PDE8A: variants seen among roughly 807,000 people sequenced by gnomAD.
PDE8A encodes the protein high affinity cAMP-specific and IBMX-insensitive 3',5'-cyclic phosphodiesterase 8A.
Under a neutral mutation model 105.0 loss-of-function variants are expected in PDE8A, and 59 were observed. The ratio of observed to expected loss-of-function variants is 0.56; its 90% CI spans 0.46 to 0.70. PDE8A has a LOEUF of 0.70. Ranked by LOEUF, PDE8A falls within the 30% of genes least tolerant of loss-of-function variation. PDE8A has a pLI of 0.00. For missense variants in PDE8A, 1,014 were observed against 1,045.9 expected, an observed-to-expected ratio of 0.97 and a Z score of 0.42; for synonymous variants, 355 against 371.9, an observed-to-expected ratio of 0.95 and a Z score of 0.52.
chr15:85,089,194 G>C (rs1166494894), intron 6 of PDE8A, 144 bp from the exon 7 acceptor site: 2 of 589,536 alleles, frequency 3.4e-6, no homozygotes, highest in Non-Finnish European at 6.0e-6. Context: ...GCTTGCAGGG[G>C]GGTGTTTATT....
At chr15:85,061,637 G>A (rs1441601706) in intron 1 of PDE8A, among the ~76,000 whole-genome samples, 1 of 151,988 alleles carries the variant, frequency 6.6e-6, no homozygotes, top group Non-Finnish European at 1.5e-5. Context: ...ATTGTTTGTT[G>A]AGCTTCTTTA....
At chr15:85,080,200 T>C (rs1285718797) in intron 5 of PDE8A, among the ~76,000 whole-genome samples, 2 of 152,250 alleles carry the variant, frequency 1.3e-5, no homozygotes, top group Admixed American at 6.5e-5. Flanking sequence ...GGTTATTGAT[T>C]ATATAGCTGT....
intron 8 of PDE8A, among the ~76,000 whole-genome samples, chr15:85,095,922 G>A (rs968248786): frequency 5.3e-5 from 8 of 149,876 alleles, no homozygotes; most frequent in South Asian, 2.1e-4. Flanking sequence ...TTTTTGAGAC[G>A]GAGTCTCGCT....
chr15:85,121,365 G>A (rs1484081079), intron 18 of PDE8A, among the ~76,000 whole-genome samples: 2 of 151,786 alleles, frequency 1.3e-5, no homozygotes, highest in East Asian at 3.9e-4. Flanking sequence ...TGCGGCTGCA[G>A]TGAACCGTGA....
chr15:85,133,397 A>G (rs950027712), intron 20 of PDE8A, among the ~76,000 whole-genome samples: 1 of 152,152 alleles, frequency 6.6e-6, no homozygotes. Context: ...GTTGCAAATA[A>G]GGTCTGCTCT....
intron 1 of PDE8A, among the ~76,000 whole-genome samples, chr15:85,039,388 C>A (rs914355524): frequency 1.3e-5 from 2 of 151,608 alleles, no homozygotes; most frequent in African/African-American, 4.9e-5. Context: ...GTGATCGCAC[C>A]ACTGTCTCCC....
chr15:84,995,481 C>G (rs1302564817), intron 1 of PDE8A, among the ~76,000 whole-genome samples: 2 of 152,046 alleles, frequency 1.3e-5, no homozygotes, highest in African/African-American at 4.8e-5. Flanking sequence ...CCACTCCTGG[C>G]TAATTAAAAA....
intron 1 of PDE8A, among the ~76,000 whole-genome samples, chr15:84,993,182 G>A (rs939438622): frequency 4.3e-4 from 66 of 152,222 alleles, no homozygotes; most frequent in Non-Finnish European, 7.5e-4. Context: ...GGTGGCTCAT[G>A]CCTGTAATCC....
At chr15:85,108,332 A>G (rs2081974591) in intron 11 of PDE8A, among the ~76,000 whole-genome samples, 1 of 152,190 alleles carries the variant, frequency 6.6e-6, no homozygotes, top group African/African-American at 2.4e-5. Context: ...AGCTGAGCTC[A>G]GCGCCCACCC....
intron 11 of PDE8A, among the ~76,000 whole-genome samples, chr15:85,104,795 C>G (rs764191033): frequency 3.3e-5 from 5 of 152,110 alleles, no homozygotes; most frequent in Middle Eastern, 3.2e-3. Flanking sequence ...GCCAACTATT[C>G]TGAAGAGAGA....
At chr15:85,035,381 T>G (rs1335568246) in intron 1 of PDE8A, among the ~76,000 whole-genome samples, 1 of 151,910 alleles carries the variant, frequency 6.6e-6, no homozygotes, top group Non-Finnish European at 1.5e-5. Context: ...GCTAATTTTT[T>G]GTATTTTTAG....
At chr15:85,133,133 T>C (rs1005308615) in intron 20 of PDE8A, among the ~76,000 whole-genome samples, 38 of 152,210 alleles carry the variant, frequency 2.5e-4, no homozygotes, top group African/African-American at 9.2e-4. Flanking sequence ...TGGGTCTGCA[T>C]ATACATACTC....
intron 18 of PDE8A, 74 bp downstream of exon 18, chr15:85,121,088 CATCTT>C: frequency 1.1e-6 from 1 of 922,412 alleles, no homozygotes; most frequent in African/African-American, 1.6e-5. Flanking sequence ...ATATAATTCA[CATCTT>C]ATACAGTTCA....
chr15:85,060,985 A>G (rs1416045998), intron 1 of PDE8A, among the ~76,000 whole-genome samples: 1 of 152,136 alleles, frequency 6.6e-6, no homozygotes, highest in South Asian at 2.1e-4. Context: ...TCTAGTGGTA[A>G]TGAACTCCCT....
At chr15:85,025,530 C>T (rs1163415211) in intron 1 of PDE8A, among the ~76,000 whole-genome samples, 4 of 152,208 alleles carry the variant, frequency 2.6e-5, no homozygotes, top group Non-Finnish European at 4.4e-5. Flanking sequence ...CACTTAAATT[C>T]TCTGGGCCCA....
Position 85,126,254 on chromosome 15 carries a change from A to G in PDE8A, c.2133A>G (p.Pro711=), listed in dbSNP as rs1174469548. 1 of 1,613,044 alleles carries G rather than the reference A, an allele frequency of 6.2e-7. No individual in the cohort carries two copies. The highest frequency in any genetic ancestry group is 1.7e-5 in the Admixed American group (1 of 59,952). The change falls in exon 20 of 22, where the codon CCA becomes CCG. Residue 711 remains proline, a synonymous_variant. Coordinates refer to ENST00000394553, the MANE Select transcript of PDE8A (RefSeq NM_002605.3). ...TGATAAACACTATGCTTAGGACTCC[A>G]GAGAACCGGACCCTAATCAAACGAA... The part of the protein sequence containing the change: ...QEVINTMLRT[P]ENRTLIKRML...
chr15:84,989,295 TG>T (rs1346717507), intron 1 of PDE8A, among the ~76,000 whole-genome samples: 2 of 152,246 alleles, frequency 1.3e-5, no homozygotes, highest in Non-Finnish European at 2.9e-5. Flanking sequence ...TAATTTGGGA[TG>T]GGGGGCTTTG....
intron 6 of PDE8A, among the ~76,000 whole-genome samples, chr15:85,085,612 T>C (rs1249070922): frequency 6.7e-6 from 1 of 149,846 alleles, no homozygotes; most frequent in African/African-American, 2.5e-5. Flanking sequence ...ACAGGAGAGG[T>C]TGCAGTGAGC....
chr15:85,097,141 T>G (rs2081768996), intron 8 of PDE8A, among the ~76,000 whole-genome samples: 2 of 147,804 alleles, frequency 1.4e-5, no homozygotes, highest in Non-Finnish European at 3.0e-5. Flanking sequence ...TGTTGTGGGT[T>G]TTAGGGATTT....
Sources: gnomAD v4.1 joint callset for allele counts (sites outside exome capture counted in the v4.1 genomes callset) on GRCh38, gnomAD v4.1.1 for gene constraint, MANE v1.5 for transcripts, NCBI Gene and HGNC (gene_info 2026-07-23, HGNC 2026-07-21) for gene names.